Variants in ACSM5 observed in about 807,000 individuals in gnomAD.
The protein encoded by ACSM5 is acyl-CoA synthetase medium chain family member 5, also known as acyl-coenzyme A synthetase ACSM5, mitochondrial.
In ACSM5, 56 loss-of-function variants were observed where a neutral mutation model predicts 71.6. That is an observed-to-expected ratio of 0.78 (90% CI 0.63 to 0.98). The LOEUF is 0.98. ACSM5 is among the 50% of genes least tolerant of loss of function. The pLI is 0.00. For synonymous variants in ACSM5, 285 were observed against 281.5 expected (o/e 1.01, Z -0.12); for missense variants, 723 against 726.0 (o/e 1.00, Z 0.05).
rs1967292810 is a variant in ACSM5 at position 20,440,067 on chromosome 16, A to G, written c.1656+148A>G. 4 of 1,127,538 alleles carry G rather than the reference A, an allele frequency of 3.5e-6. No individual in the cohort carries two copies. The African/African-American group carries it at 4.7e-5, about 13-fold the overall frequency. 69.8% of individuals were successfully genotyped at this position (1,127,538 alleles called of 1,614,324 possible). A position where few individuals can be genotyped will look rare whatever the true frequency, so the allele number is the denominator to read the frequency against. On this transcript the variant is annotated intron_variant, in intron 13 of 13. Coordinates refer to ENST00000331849, the MANE Select transcript of ACSM5 (RefSeq NM_017888.3). Reference sequence around the variant, plus strand: ...GGCTGCTGCTTCAGCTTTTTTCTGTATTTCTTCACTTGGATTCTCCCCAAA... The same window carrying G: ...GGCTGCTGCTTCAGCTTTTTTCTGTGTTTCTTCACTTGGATTCTCCCCAAA...
At chr16:20,438,693 T>G (rs9930045) in intron 12 of ACSM5, among the ~76,000 whole-genome samples, 1 of 151,222 alleles carries the variant, frequency 6.6e-6, no homozygotes, top group Non-Finnish European at 1.5e-5. Flanking sequence ...CGGTGGCTCA[T>G]GTCTGTAATC....
intron 6 of ACSM5, among the ~76,000 whole-genome samples, chr16:20,424,782 T>C (rs1966945156): frequency 6.6e-6 from 1 of 152,194 alleles, no homozygotes; most frequent in South Asian, 2.1e-4. Flanking sequence ...CATTTCTCTA[T>C]AGATTTGCTG....
chr16:20,418,419 T>G (rs746110511), intron 3 of ACSM5, 150 bp downstream of exon 3: 2 of 833,126 alleles, frequency 2.4e-6, no homozygotes, highest in Non-Finnish European at 3.7e-6. Context: ...CAGACTTGAT[T>G]GTATAGTAGG....
intron 10 of ACSM5, among the ~76,000 whole-genome samples, chr16:20,432,566 T>C (rs998921504): frequency 6.6e-6 from 1 of 152,140 alleles, no homozygotes; most frequent in Non-Finnish European, 1.5e-5. Context: ...TGCTAATCAG[T>C]CTTGGAAGCA....
At chr16:20,430,495 T>C (rs1222826716) in intron 8 of ACSM5, among the ~76,000 whole-genome samples, 5 of 151,548 alleles carry the variant, frequency 3.3e-5, no homozygotes, top group African/African-American at 9.7e-5. Flanking sequence ...TAATTGTTTG[T>C]TAACTATGGA....
intron 7 of ACSM5, among the ~76,000 whole-genome samples, 162 bp from the exon 8 acceptor site, chr16:20,429,516 G>A (rs1211614000): frequency 6.6e-6 from 1 of 152,132 alleles, no homozygotes; most frequent in Non-Finnish European, 1.5e-5. Context: ...TCCATGAGGA[G>A]CATGGTTGCA....
chr16:20,431,249 T>C lies in ACSM5; in HGVS notation c.1236T>C (p.Pro412=). ...TGGATGATGAGGGCAACGTCCTGCC[T>C]CCTGGAGAAGAGGGGAATGTTGCCG... ...QIVDDEGNVL[P]PGEEGNVAVR... Residue 412 remains proline (P), a synonymous_variant, in exon 10 of 14, where the codon CCT becomes CCC. Transcript: ENST00000331849. 6.2e-7 allele frequency: 1 copy of C among 1,614,148 alleles called. No homozygotes were observed. The highest frequency in any genetic ancestry group is 1.1e-5 in the South Asian group (1 of 91,076).
chr16:20,418,392 T>G (rs927690073), intron 3 of ACSM5, 123 bp downstream of exon 3: 1 of 1,000,274 alleles, frequency 1.0e-6, no homozygotes, highest in African/African-American at 1.6e-5. Context: ...GTTTACTTCC[T>G]ATTTGCCTAA....
At chr16:20,432,645 G>A (rs1967121577) in intron 10 of ACSM5, among the ~76,000 whole-genome samples, 1 of 151,914 alleles carries the variant, frequency 6.6e-6, no homozygotes, top group African/African-American at 2.4e-5. Flanking sequence ...CGTGCCGCTC[G>A]GTGTGGAGCA....
Position 20,410,496 on chromosome 16 carries a change from G to A in ACSM5, c.-16+831G>A, listed in dbSNP as rs545933843. On this transcript the variant is annotated intron_variant, in intron 1 of 13. Coordinates refer to ENST00000331849, the MANE Select transcript of ACSM5 (RefSeq NM_017888.3). Reference sequence around the variant, plus strand: ...CTGTAATCCCAGCACTTGGGAGGCCGAGTTGGGAGGATCACTTGAGGCCAG... The same window carrying A: ...CTGTAATCCCAGCACTTGGGAGGCCAAGTTGGGAGGATCACTTGAGGCCAG... Among the ~76,000 whole-genome samples the A allele has an allele frequency of 6.6e-5, 10 of 152,294 alleles. 1 individual carries two copies. Among genetic ancestry groups the A allele is most frequent in the South Asian group, 6.2e-4 (3 of 4,824 alleles).
chr16:20,428,898 G>A (rs1452070604), intron 7 of ACSM5, among the ~76,000 whole-genome samples: 1 of 151,950 alleles, frequency 6.6e-6, no homozygotes, highest in Non-Finnish European at 1.5e-5. Context: ...GAACAGAGAG[G>A]GCATTTTGCA....
Position 20,421,291 on chromosome 16 carries a change from A to G in ACSM5, c.657A>G (p.Thr219=). 6.2e-7 allele frequency: 1 copy of G among 1,606,362 alleles called. No homozygotes were observed. The highest frequency in any genetic ancestry group is 1.7e-5 in the Admixed American group (1 of 59,228). The change falls in exon 5 of 14, where the codon ACA becomes ACG. Residue 219 remains threonine (T), a synonymous_variant. Coordinates refer to ENST00000331849, the MANE Select transcript of ACSM5 (RefSeq NM_017888.3). Reference sequence around the variant, plus strand: ...CTACAGAGCACAACTGCATGAGGACAAAGAGTCGAGACCCGCTGGCCATCT... The same window carrying G: ...CTACAGAGCACAACTGCATGAGGACGAAGAGTCGAGACCCGCTGGCCATCT... ...EASTEHNCMR[T]KSRDPLAIYF... is the part of the protein sequence containing the mutation.
In ACSM5 at chr16:20,409,585, T is replaced by A. The variant is rs1358513209; in HGVS notation, c.-96T>A. 1.3e-5 allele frequency: 2 copies of A among 152,152 alleles called. No homozygotes were observed. The highest frequency in any genetic ancestry group is 2.4e-5 in the African/African-American group (1 of 41,416). The allele number at this position is 152,152 out of a possible 1,614,324, so 9.4% of individuals were successfully genotyped here. A position where few individuals can be genotyped will look rare whatever the true frequency, so the allele number is the denominator to read the frequency against. Reference sequence around the variant, plus strand: ...GAGGCTGTTTTCTGAGGGAGCTGAGTGTTTACAGCCACTCAGCCCTGCTCT... The same window carrying A: ...GAGGCTGTTTTCTGAGGGAGCTGAGAGTTTACAGCCACTCAGCCCTGCTCT... On this transcript the variant is annotated 5_prime_UTR_variant, in exon 1 of 14. Coordinates refer to ENST00000331849, the MANE Select transcript of ACSM5 (RefSeq NM_017888.3).
At chr16:20,436,823 G>T (rs1967209043) in intron 10 of ACSM5, among the ~76,000 whole-genome samples, 1 of 152,138 alleles carries the variant, frequency 6.6e-6, no homozygotes, top group Non-Finnish European at 1.5e-5. Flanking sequence ...GTGGGTGACT[G>T]CCCTTAACCA....
At chr16:20,433,869 G>C (rs1031459408) in intron 10 of ACSM5, among the ~76,000 whole-genome samples, 12 of 146,506 alleles carry the variant, frequency 8.2e-5, no homozygotes, top group African/African-American at 2.8e-4. Flanking sequence ...TAAAGATGGG[G>C]TTTCACCATG....
chr16:20,417,974 C>T, intron 2 of ACSM5, 85 bp from the exon 3 acceptor site: 1 of 1,276,450 alleles, frequency 7.8e-7, no homozygotes, highest in South Asian at 1.5e-5. Flanking sequence ...TTTATATTAA[C>T]TATTATAAAA....
chr16:20,429,421 C>G (rs1246898415), intron 7 of ACSM5, among the ~76,000 whole-genome samples: 1 of 152,132 alleles, frequency 6.6e-6, no homozygotes, highest in African/African-American at 2.4e-5. Context: ...TTACCTGGAA[C>G]TCACCATATT....
intron 9 of ACSM5, 28 bp from the exon 10 acceptor site, chr16:20,431,192 T>G: frequency 2.5e-6 from 4 of 1,606,706 alleles, no homozygotes; most frequent in African/African-American, 2.7e-5. Context: ...CACTCACGTA[T>G]GCACCTCTGT....
chr16:20,423,934 C>G lies in ACSM5; in HGVS notation c.786C>G (p.Thr262=). The change falls in exon 6 of 14, where the codon ACC becomes ACG. Residue 262 remains threonine (T), a synonymous_variant. Coordinates refer to ENST00000331849, the MANE Select transcript of ACSM5 (RefSeq NM_017888.3). The stretch of plus-strand genomic sequence containing the variant: ...TTGGCAGACGGTGGGTGGCCTTGAC[C>G]GAATCTGACATCTTCTGGAACACGA... The part of the protein sequence containing the change: ...VASGRRWVAL[T]ESDIFWNTTD... The G allele has an allele frequency of 6.2e-7, 1 of 1,613,986 alleles. No individual in the cohort carries two copies. The highest frequency in any genetic ancestry group is 8.5e-7 in the Non-Finnish European group (1 of 1,179,942).
Sources: gnomAD v4.1 joint callset for allele counts (sites outside exome capture counted in the v4.1 genomes callset) on GRCh38, gnomAD v4.1.1 for gene constraint, MANE v1.5 for transcripts, NCBI Gene and HGNC (gene_info 2026-07-23, HGNC 2026-07-21) for gene names.